Variants in ATF1 observed in about 807,000 individuals in gnomAD.
ATF1 encodes cyclic AMP-dependent transcription factor ATF-1.
A neutral mutation model predicts 34.7 loss-of-function variants in ATF1; 16 were observed. The observed-to-expected ratio is 0.46, with a 90% CI of 0.31 to 0.70. ATF1 has a LOEUF of 0.70. ATF1 is among the 30% of genes least tolerant of loss of function. The pLI, the probability that ATF1 is intolerant of heterozygous loss-of-function variation, is 0.05. For missense variants in ATF1, 255 were observed against 321.6 expected, an observed-to-expected ratio of 0.79 and a Z score of 1.58; for synonymous variants, 105 against 113.1, an observed-to-expected ratio of 0.93 and a Z score of 0.46.
upstream of ATF1, chr12:50,763,791 C>G (rs1290579417): frequency 6.6e-6 from 1 of 152,312 alleles, no homozygotes; most frequent in Non-Finnish European, 1.5e-5. Flanking sequence ...CCCGCGAGCA[C>G]CCAGCTGCTC....
At chr12:50,764,629 C>T (rs983752056) in intron 1 of ATF1, 4 of 152,266 alleles carry the variant, frequency 2.6e-5, no homozygotes, top group Admixed American at 6.5e-5. Flanking sequence ...GGCGCTAGCT[C>T]TCCGTGGGAG....
chr12:50,813,837 T>C (rs896757600), intron 4 of ATF1, among the ~76,000 whole-genome samples, 173 bp from the exon 5 acceptor site: 1 of 151,408 alleles, frequency 6.6e-6, no homozygotes, highest in African/African-American at 2.4e-5. Flanking sequence ...AAAAAAGAAA[T>C]GCTGTTTTAT....
At chr12:50,766,445 G>C (rs1940637473) in intron 1 of ATF1, among the ~76,000 whole-genome samples, 1 of 152,066 alleles carries the variant, frequency 6.6e-6, no homozygotes, top group Non-Finnish European at 1.5e-5. Flanking sequence ...ATGGCTGTGG[G>C]TGACAGAGTT....
In ATF1 at chr12:50,784,518, A is replaced by G. The variant is rs1209110954; in HGVS notation, c.93+4280A>G. On this transcript the variant is annotated intron_variant, in intron 2 of 6. Transcript: ENST00000262053. Reference sequence around the variant, plus strand: ...ACACTGAGGTGGCCAGTGTGTTGGGAGAGGGATGGATAGAGGATGAGGCAG... The same window carrying G: ...ACACTGAGGTGGCCAGTGTGTTGGGGGAGGGATGGATAGAGGATGAGGCAG... Among the ~76,000 whole-genome samples the G allele has an allele frequency of 2.6e-5, 4 of 152,110 alleles. No individual in the cohort carries two copies. The East Asian group carries it at 5.8e-4, about 22-fold the overall frequency.
upstream of ATF1, chr12:50,763,977 AG>A (rs1180631341): frequency 2.6e-5 from 4 of 152,336 alleles, no homozygotes; most frequent in African/African-American, 9.6e-5. Context: ...GCGGTGACGC[AG>A]GACGGCGGCC....
intron 3 of ATF1, among the ~76,000 whole-genome samples, chr12:50,796,691 A>G (rs536488917): frequency 1.3e-5 from 2 of 150,416 alleles, no homozygotes; most frequent in Non-Finnish European, 3.0e-5. Context: ...ACAGAGCAAG[A>G]CTCTGTCTCA....
chr12:50,784,467 T>C (rs893532136), intron 2 of ATF1, among the ~76,000 whole-genome samples: 5 of 152,122 alleles, frequency 3.3e-5, no homozygotes, highest in African/African-American at 1.2e-4. Context: ...ACTGTGAGAC[T>C]AATATGTGCT....
intron 1 of ATF1, among the ~76,000 whole-genome samples, chr12:50,770,721 A>G (rs1033849636): frequency 1.3e-5 from 2 of 152,234 alleles, no homozygotes; most frequent in African/African-American, 2.4e-5. Context: ...ACTATGGTAC[A>G]CTTGTTATTA....
At chr12:50,766,932 C>G (rs9943712) in intron 1 of ATF1, among the ~76,000 whole-genome samples, 1 of 152,008 alleles carries the variant, frequency 6.6e-6, no homozygotes, top group African/African-American at 2.4e-5. Flanking sequence ...AGATGACAGG[C>G]CCATCTGGGG....
chr12:50,781,446 C>T (rs772047912), intron 2 of ATF1, among the ~76,000 whole-genome samples: 1 of 151,686 alleles, frequency 6.6e-6, no homozygotes, highest in Non-Finnish European at 1.5e-5. Context: ...GAGTTGTTTT[C>T]TTTGTTTTTG....
chr12:50,766,930 G>C (rs1374394180), intron 1 of ATF1, among the ~76,000 whole-genome samples: 1 of 152,224 alleles, frequency 6.6e-6, no homozygotes, highest in Non-Finnish European at 1.5e-5. Context: ...AAAGATGACA[G>C]GCCCATCTGG....
intron 4 of ATF1, among the ~76,000 whole-genome samples, chr12:50,813,419 G>A (rs1425786560): frequency 2.6e-5 from 4 of 152,094 alleles, no homozygotes; most frequent in Non-Finnish European, 2.9e-5. Context: ...CCATAAGCAT[G>A]TTATCTATTC....
At chr12:50,792,759 A>T (rs1941331967) in intron 2 of ATF1, among the ~76,000 whole-genome samples, 1 of 152,016 alleles carries the variant, frequency 6.6e-6, no homozygotes, top group Non-Finnish European at 1.5e-5. Flanking sequence ...GATTTAAGGA[A>T]ATGAGGGACT....
intron 2 of ATF1, chr12:50,788,109 A>G: frequency 2.5e-6 from 1 of 402,042 alleles, no homozygotes; most frequent in South Asian, 1.9e-5. Context: ...AATCAGAATG[A>G]GTGATGGTCA....
intron 1 of ATF1, among the ~76,000 whole-genome samples, chr12:50,779,159 C>G (rs1270913893): frequency 6.6e-6 from 1 of 152,174 alleles, no homozygotes; most frequent in Non-Finnish European, 1.5e-5. Context: ...ATCAATTCAT[C>G]CACTGATGAA....
Position 50,785,284 on chromosome 12 carries a change from TACACACACACACACACAC to T in ATF1, c.93+5084_93+5101del, listed in dbSNP as rs56040362. Among the ~76,000 whole-genome samples the T allele has an allele frequency of 8.0e-3, 1,033 of 128,438 alleles. 18 individuals are homozygous for T. Among genetic ancestry groups the T allele is most frequent in the African/African-American group, 0.016 (544 of 33,208 alleles). The allele number at this position is 128,438 out of a possible 152,430, so 84.3% of individuals were successfully genotyped here. A position where few individuals can be genotyped will look rare whatever the true frequency, so the allele number is the denominator to read the frequency against. On this transcript the variant is annotated intron_variant, in intron 2 of 6. Coordinates refer to ENST00000262053, the MANE Select transcript of ATF1 (RefSeq NM_005171.5). ...TCAAAAAAAAAATTATATATATACA[TACACACACACACACACAC>T]ACACACACACACACACACACACACA...
At chr12:50,807,413 G>GA (rs1368294773) in intron 3 of ATF1, among the ~76,000 whole-genome samples, 6 of 151,616 alleles carry the variant, frequency 4.0e-5, no homozygotes, top group African/African-American at 9.7e-5. Context: ...CAAAAGAAAA[G>GA]AAAAAAATAA....
rs1020201047 is a variant in ATF1 at position 50,794,590 on chromosome 12, C to T, written c.94-1319C>T. 4.6e-5 allele frequency among the ~76,000 whole-genome samples: 7 copies of T among 151,162 alleles called. 1 individual carries two copies. The East Asian group carries it at 8.0e-4, about 17-fold the overall frequency. On this transcript the variant is annotated intron_variant, in intron 2 of 6. Coordinates refer to ENST00000262053, the MANE Select transcript of ATF1 (RefSeq NM_005171.5). The stretch of plus-strand genomic sequence containing the variant: ...AAAAAAAAAAAAATTCAGATGAAGT[C>T]GGATATCACAATCTAACTTTGGACA...
intron 6 of ATF1, among the ~76,000 whole-genome samples, chr12:50,816,874 CA>C (rs1051519925): frequency 6.7e-6 from 1 of 150,084 alleles, no homozygotes; most frequent in African/African-American, 2.4e-5. Context: ...ATAAAACAAA[CA>C]AAAAAAAACA....
Sources: gnomAD v4.1 joint callset for allele counts (sites outside exome capture counted in the v4.1 genomes callset) on GRCh38, gnomAD v4.1.1 for gene constraint, MANE v1.5 for transcripts, NCBI Gene and HGNC (gene_info 2026-07-23, HGNC 2026-07-21) for gene names.